EFHC1: variants seen among roughly 807,000 people sequenced by gnomAD.
EFHC1 encodes the protein EF-hand domain-containing protein 1.
EFHC1 carries 53 observed loss-of-function variants against 69.9 expected under a neutral mutation model. The ratio of observed to expected loss-of-function variants is 0.76; its 90% CI spans 0.61 to 0.95. The LOEUF is 0.95. EFHC1 is among the 40% of genes least tolerant of loss of function. The pLI is 0.00. For synonymous variants in EFHC1, 256 were observed against 278.4 expected (o/e 0.92, Z 0.80); for missense variants, 739 against 798.7 (o/e 0.93, Z 0.90).
chr6:52,424,411 A>T (rs3804509), intron 2 of EFHC1, among the ~76,000 whole-genome samples: 4,433 of 152,306 alleles, frequency 0.029, 117 homozygotes, highest in East Asian at 0.14. Context: ...TTCCAAATGC[A>T]GTTAAAGAAA....
rs1220550927 is a variant in EFHC1 at position 52,464,886 on chromosome 6, T to A, written c.917-9T>A. On this transcript the variant is annotated splice_polypyrimidine_tract_variant and intron_variant, in intron 5 of 10. Coordinates refer to ENST00000371068, the MANE Select transcript of EFHC1 (RefSeq NM_018100.4). ...TTCTTTTTTTCTCTCTAACACCATC[T>A]TATATTAGAGAACTTCCCTCAGTGT... 4 of 1,611,122 alleles carry A rather than the reference T, an allele frequency of 2.5e-6. No homozygotes were observed. The African/African-American group carries it at 5.3e-5, about 22-fold the overall frequency.
chr6:52,463,012 TTTTG>T (rs921433074), intron 5 of EFHC1, among the ~76,000 whole-genome samples: 2 of 149,520 alleles, frequency 1.3e-5, no homozygotes, highest in South Asian at 2.1e-4. Context: ...TTTGTTTTGT[TTTTG>T]TTTGTTTTGT....
At chr6:52,443,063 C>T (rs992971479) in intron 3 of EFHC1, among the ~76,000 whole-genome samples, 5 of 152,178 alleles carry the variant, frequency 3.3e-5, no homozygotes, top group Non-Finnish European at 7.3e-5. Context: ...TTTCACGTAT[C>T]TGTTGGCTGC....
chr6:52,459,991 A>C (rs896187091), intron 5 of EFHC1, among the ~76,000 whole-genome samples: 1 of 152,166 alleles, frequency 6.6e-6, no homozygotes, highest in South Asian at 2.1e-4. Flanking sequence ...TTTGTTTTTT[A>C]AAATTGCACA....
In EFHC1 at chr6:52,469,307, ACTT is replaced by A. The variant is rs1444824101; in HGVS notation, c.1138-22_1138-20del. 1.9e-6 allele frequency: 3 copies of A among 1,613,630 alleles called. No individual in the cohort carries two copies. In the African/African-American group the frequency reaches 4.0e-5, roughly 22 times the overall value. ...TCTTAACACAAGTAGTATCTGCCTT[ACTT>A]CTTGCTTCCTATGTATCTCCAGGAG... On this transcript the variant is annotated intron_variant, in intron 6 of 10. Transcript: ENST00000371068.
intron 1 of EFHC1, 150 bp downstream of exon 1, chr6:52,420,623 C>A: frequency 1.0e-6 from 1 of 990,624 alleles, no homozygotes. Flanking sequence ...TATTCTGGGC[C>A]GAACTTCTGC....
At position 52,436,979 on chromosome 6, in the gene EFHC1, T is replaced by A. The variant is rs139986670; in HGVS notation, c.286-1325T>A. 8.5e-5 allele frequency among the ~76,000 whole-genome samples: 13 copies of A among 152,284 alleles called. No individual in the cohort carries two copies. The East Asian group carries it at 2.5e-3, about 29-fold the overall frequency. ...TTTAAATGTGTAATCTATATATTGATACCATGTTGACTTCACATTGATGAT... is the reference window on the plus strand; with the variant it reads ...TTTAAATGTGTAATCTATATATTGAAACCATGTTGACTTCACATTGATGAT... On this transcript the variant is annotated intron_variant, in intron 2 of 10. Transcript: ENST00000371068.
chr6:52,480,994 A>G (rs1765661251), intron 9 of EFHC1, among the ~76,000 whole-genome samples: 1 of 152,200 alleles, frequency 6.6e-6, no homozygotes, highest in South Asian at 2.1e-4. Flanking sequence ...AAGATTTGAC[A>G]TATATTTTAA....
In EFHC1 at chr6:52,466,325, G is replaced by A. The variant is rs80006566; in HGVS notation, c.1137+1210G>A. ...GCCTCCAGTCGTACTGAGTTCTCTG[G>A]TTCTACCAGTACAGCATCTTGTTTT... is the stretch of plus-strand genomic sequence containing the variant. On this transcript the variant is annotated intron_variant, in intron 6 of 10. Coordinates refer to ENST00000371068, the MANE Select transcript of EFHC1 (RefSeq NM_018100.4). 1.8e-3 allele frequency among the ~76,000 whole-genome samples: 267 copies of A among 152,250 alleles called. 7 individuals carry two copies. In the East Asian group the frequency reaches 0.042, roughly 24 times the overall value.
intron 5 of EFHC1, among the ~76,000 whole-genome samples, chr6:52,462,163 T>A (rs1026879996): frequency 6.6e-5 from 10 of 151,352 alleles, no homozygotes; most frequent in African/African-American, 2.4e-4. Context: ...AAATATAACA[T>A]GAAAAAAACC....
rs1443955319 is a variant in EFHC1, at chr6:52,496,068, C to T, written c.*3727C>T. On this transcript the variant is annotated 3_prime_UTR_variant, in exon 11 of 11. Coordinates refer to ENST00000371068, the MANE Select transcript of EFHC1 (RefSeq NM_018100.4). ...TACCTTATGCTACAGTCATAGCTGG[C>T]ATGCATCTGGAGTGTCAGGTTCAGG... 2 of 184,734 alleles carry T rather than the reference C, an allele frequency of 1.1e-5. No individual in the cohort carries two copies. Among genetic ancestry groups the T allele is most frequent in the Non-Finnish European group, 2.3e-5 (2 of 86,788 alleles). 11.4% of individuals were successfully genotyped at this position (184,734 alleles called of 1,614,324 possible). A position where few individuals can be genotyped will look rare whatever the true frequency, so the allele number is the denominator to read the frequency against.
intron 3 of EFHC1, among the ~76,000 whole-genome samples, chr6:52,450,010 G>T (rs1016641659): frequency 6.6e-6 from 1 of 152,064 alleles, no homozygotes; most frequent in Non-Finnish European, 1.5e-5. Flanking sequence ...TCATATCTTT[G>T]TTCCATTACT....
intron 3 of EFHC1, among the ~76,000 whole-genome samples, chr6:52,441,220 T>G (rs918527274): frequency 6.6e-6 from 1 of 152,114 alleles, no homozygotes; most frequent in Non-Finnish European, 1.5e-5. Context: ...ATTCCTATGT[T>G]TAGAATAGTG....
At position 52,495,126 on chromosome 6, in the gene EFHC1, A is replaced by G. The variant is rs913400723; in HGVS notation, c.*2785A>G. The G allele has an allele frequency of 6.6e-6, 3 of 453,928 alleles. No individual in the cohort carries two copies. The highest frequency in any genetic ancestry group is 6.0e-5 in the African/African-American group (3 of 49,968). 28.1% of individuals were successfully genotyped at this position (453,928 alleles called of 1,614,324 possible). ...CAAGGCTCCTTCTGATCTTCCCAGG[A>G]GGCCCTTTCAGGCTGACACACCTTC... is the stretch of plus-strand genomic sequence containing the variant. On this transcript the variant is annotated 3_prime_UTR_variant, in exon 11 of 11. Coordinates refer to ENST00000371068, the MANE Select transcript of EFHC1 (RefSeq NM_018100.4).
rs779882152 is a variant in EFHC1 at position 52,464,994 on chromosome 6, G to A, written c.1016G>A (p.Gly339Glu). 27 of 1,614,078 alleles carry A rather than the reference G, an allele frequency of 1.7e-5. 1 individual carries two copies. The highest frequency in any genetic ancestry group is 2.3e-5 in the Non-Finnish European group (27 of 1,180,018). Residue 339 changes from glycine (G) to glutamate (E), a missense_variant, in exon 6 of 11, where the codon GGG (glycine) becomes GAG (glutamate). Physicochemically the swap from Gly to Glu is moderately conservative, Grantham distance 98 (BLOSUM62 -2). Coordinates refer to ENST00000371068, the MANE Select transcript of EFHC1 (RefSeq NM_018100.4). The part of the protein sequence containing the change: ...FIVGKSLTIL[G>E]RTFFIYDCDP... The stretch of plus-strand genomic sequence containing the variant: ...GTTGGGAAGTCACTCACTATCCTTG[G>A]GAGAACTTTCTTCATTTATGATTGT...
chr6:52,454,077 A>G lies in EFHC1; in HGVS notation c.724-18A>G. 4 of 1,612,366 alleles carry G rather than the reference A, an allele frequency of 2.5e-6. No individual in the cohort carries two copies. The highest frequency in any genetic ancestry group is 3.4e-6 in the Non-Finnish European group (4 of 1,179,898). On this transcript the variant is annotated intron_variant, in intron 4 of 10. Transcript: ENST00000371068. ...CTACTTTTAGGATTCTTGAGTCACT[A>G]CTTTGGATTCTTCAAAGGTCCTTCG...
At chr6:52,450,178 A>G (rs1458576851) in intron 3 of EFHC1, among the ~76,000 whole-genome samples, 3 of 151,982 alleles carry the variant, frequency 2.0e-5, no homozygotes, top group Admixed American at 1.3e-4. Flanking sequence ...TGTGTTTGCT[A>G]TGATTTTGGT....
chr6:52,460,748 C>T (rs1437399034), intron 5 of EFHC1, among the ~76,000 whole-genome samples: 2 of 152,036 alleles, frequency 1.3e-5, no homozygotes, highest in Non-Finnish European at 2.9e-5. Flanking sequence ...GAGTTTAATG[C>T]CTAGAGAAAC....
chr6:52,484,649 T>C (rs1045567092), intron 9 of EFHC1: 2 of 152,180 alleles, frequency 1.3e-5, no homozygotes, highest in African/African-American at 4.8e-5. Flanking sequence ...ATCACAAGAA[T>C]AATTTTGACT....
Sources: allele counts gnomAD v4.1 joint callset (sites outside exome capture counted in the v4.1 genomes callset), GRCh38; gene constraint gnomAD v4.1.1; transcripts MANE v1.5; gene names NCBI Gene and HGNC (gene_info 2026-07-23, HGNC 2026-07-21).